The following C22orf39 variants were observed in gnomAD, a reference collection of about 807,000 sequenced individuals.
C22orf39 encodes the protein chromosome 22 open reading frame 39.
In C22orf39, 20 loss-of-function variants were observed where a neutral mutation model predicts 18.3. That is an observed-to-expected ratio of 1.09 (90% CI 0.77 to 1.59). The LOEUF (loss-of-function observed/expected upper bound fraction) is 1.59. C22orf39 is among the 40% of genes most tolerant of loss of function. The probability of loss-of-function intolerance (pLI) is 0.00; values close to 1 mark genes in which losing one functional copy is unlikely to be tolerated. For synonymous variants in C22orf39, 63 were observed against 59.6 expected (o/e 1.06, Z -0.26); for missense variants, 195 against 156.1 (o/e 1.25, Z -1.33).
intron 2 of C22orf39, among the ~76,000 whole-genome samples, chr22:19,447,144 C>G (rs752093224): frequency 5.9e-4 from 44 of 75,206 alleles, no homozygotes; most frequent in Admixed American, 2.1e-3. Context: ...GCCCTCTTCC[C>G]TCTCTAAACC....
chr22:19,447,629 C>T, intron 1 of C22orf39, 36 bp downstream of exon 1: 1 of 1,605,734 alleles, frequency 6.2e-7, no homozygotes, highest in Non-Finnish European at 8.5e-7. Flanking sequence ...CTCCGGAAGA[C>T]CCCGGTGGTT....
Position 19,443,076 on chromosome 22 carries a change from A to G in C22orf39, c.*1189T>C. On this transcript the variant is annotated 3_prime_UTR_variant, in exon 3 of 3. Transcript: ENST00000399562. ...CTCCTGCTCTTGGGATCCCGTGAGCACAACCCCCACCCCCACCCCCACTGT... is the reference window on the plus strand; with the variant it reads ...CTCCTGCTCTTGGGATCCCGTGAGCGCAACCCCCACCCCCACCCCCACTGT... The G allele has an allele frequency of 3.6e-6, 2 of 554,128 alleles. No individual in the cohort carries two copies. Among genetic ancestry groups the G allele is most frequent in the Non-Finnish European group, 4.6e-6 (2 of 437,426 alleles). 34.3% of individuals were successfully genotyped at this position (554,128 alleles called of 1,614,324 possible).
intron 1 of C22orf39, 24 bp downstream of exon 1, chr22:19,447,641 C>G (rs749736244): frequency 6.2e-7 from 1 of 1,608,250 alleles, no homozygotes; most frequent in South Asian, 1.1e-5. Context: ...CCGGTGGTTC[C>G]CGGCTCCGAC....
rs577017979 is a variant in C22orf39, at chr22:19,441,756, C to T, written c.*2509G>A. On this transcript the variant is annotated 3_prime_UTR_variant, in exon 3 of 3. Coordinates refer to ENST00000399562, the MANE Select transcript of C22orf39 (RefSeq NM_173793.5). ...AGTATTTGTTTTCTTCATACCACCACCATAAAATACCAAACTGCTTCAGAA... is the reference window on the plus strand; with the variant it reads ...AGTATTTGTTTTCTTCATACCACCATCATAAAATACCAAACTGCTTCAGAA... 98 of 1,504,300 alleles carry T rather than the reference C, an allele frequency of 6.5e-5. No homozygotes were observed. In the African/African-American group the frequency reaches 1.3e-3, roughly 20 times the overall value. 93.2% of individuals were successfully genotyped at this position (1,504,300 alleles called of 1,614,324 possible). A position where few individuals can be genotyped will look rare whatever the true frequency, so the allele number is the denominator to read the frequency against.
In C22orf39 at chr22:19,441,040, T is replaced by G. The variant is rs1250571896; in HGVS notation, c.*3225A>C. ...AGCATCAGGACGCAGAAATTGACAT[T>G]GGTACAGTCTACAGAACATACTCAG... On this transcript the variant is annotated 3_prime_UTR_variant, in exon 3 of 3. Coordinates refer to ENST00000399562, the MANE Select transcript of C22orf39 (RefSeq NM_173793.5). 1.3e-5 allele frequency: 2 copies of G among 152,420 alleles called. 1 individual carries two copies. The highest frequency in any genetic ancestry group is 2.9e-5 in the Non-Finnish European group (2 of 68,234). The allele number at this position is 152,420 out of a possible 1,614,324, so 9.4% of individuals were successfully genotyped here.
chr22:19,447,478 T>C lies in C22orf39; in HGVS notation c.92A>G (p.His31Arg), dbSNP rs1309160369. 7 of 1,511,708 alleles carry C rather than the reference T, an allele frequency of 4.6e-6. No homozygotes were observed. Among genetic ancestry groups the C allele is most frequent in the South Asian group, 1.2e-5 (1 of 80,554 alleles). The allele number at this position is 1,511,708 out of a possible 1,614,324, so 93.6% of individuals were successfully genotyped here. A position where few individuals can be genotyped will look rare whatever the true frequency, so the allele number is the denominator to read the frequency against. Residue 31 changes from histidine (H) to arginine (R), a missense_variant, in exon 2 of 3, where the codon CAC (histidine) becomes CGC (arginine). By Grantham distance (29) the His-to-Arg change is conservative. Transcript: ENST00000399562. Reference protein sequence around the residue: ...KLCRSARHFLHHYYVHGERPA... With the variant: ...KLCRSARHFLRHYYVHGERPA... ...CCGCTCGCCGTGGACGTAGTAGTGG[T>C]GTAGGAAGTGCCTGGCGCTGCGGCA...
At chr22:19,444,780 G>C (rs2089631875) in intron 2 of C22orf39, among the ~76,000 whole-genome samples, 1 of 152,148 alleles carries the variant, frequency 6.6e-6, no homozygotes, top group South Asian at 2.1e-4. Flanking sequence ...AGCAGCTGTG[G>C]GGAGCTGCAG....
chr22:19,444,705 G>A (rs545536150), intron 2 of C22orf39, among the ~76,000 whole-genome samples: 10 of 152,312 alleles, frequency 6.6e-5, no homozygotes, highest in African/African-American at 2.4e-4. Context: ...GTGAGTCTGG[G>A]GCATATTCAC....
chr22:19,446,547 G>A (rs1288431646), intron 2 of C22orf39, among the ~76,000 whole-genome samples: 6 of 152,200 alleles, frequency 3.9e-5, no homozygotes, highest in Non-Finnish European at 5.9e-5. Flanking sequence ...CAGGAGGGCA[G>A]AGACTCTTCT....
At chr22:19,444,800 T>A (rs1260734132) in intron 2 of C22orf39, among the ~76,000 whole-genome samples, 1 of 151,720 alleles carries the variant, frequency 6.6e-6, no homozygotes, top group East Asian at 1.9e-4. Context: ...GGGAGGAGTG[T>A]GTTAGGGAGA....
rs1421293080 is a variant in C22orf39, at chr22:19,441,678, G to GCCA, written c.*2584_*2586dup. ...CAAGTAGCTGAGATTACAGGTGTGAGCCACCACACTTAGCACCTGTCCAAA... is the reference window on the plus strand; with the variant it reads ...CAAGTAGCTGAGATTACAGGTGTGAGCCACCACCACACTTAGCACCTGTCCAAA... On this transcript the variant is annotated 3_prime_UTR_variant, in exon 3 of 3. Coordinates refer to ENST00000399562, the MANE Select transcript of C22orf39 (RefSeq NM_173793.5). The GCCA allele has an allele frequency of 3.9e-6, 6 of 1,540,086 alleles. No homozygotes were observed. The African/African-American group carries it at 8.2e-5, about 21-fold the overall frequency.
Position 19,447,434 on chromosome 22 carries a change from G to T in C22orf39, c.136C>A (p.Gln46Lys). 6.6e-7 allele frequency: 1 copy of T among 1,511,906 alleles called. No homozygotes were observed. Among genetic ancestry groups the T allele is most frequent in the Non-Finnish European group, 8.8e-7 (1 of 1,138,390 alleles). 93.7% of individuals were successfully genotyped at this position (1,511,906 alleles called of 1,614,324 possible). A position where few individuals can be genotyped will look rare whatever the true frequency, so the allele number is the denominator to read the frequency against. The change falls in exon 2 of 3, where the codon CAG becomes AAG. Residue 46 changes from glutamine to lysine, a missense_variant. Transcript: ENST00000399562. ...TCGCGGCAGCTGGCCAGGTCGCGCT[G>T]CCACTGTTCGCAGGCCGGCCGCTCG... ...HGERPACEQW[Q>K]RDLASCRDWE...
At position 19,447,372 on chromosome 22, in the gene C22orf39, G is replaced by T; in HGVS notation, c.192+6C>A. On this transcript the variant is annotated splice_donor_region_variant and intron_variant, in intron 2 of 2. Transcript: ENST00000399562. ...CGAAGCGCCGCCCCGCTCCCTCCCG[G>T]CGCACCTGGGCCTCGGCGTTCCGGC... 1 of 1,485,392 alleles carries T rather than the reference G, an allele frequency of 6.7e-7. No individual in the cohort carries two copies. The highest frequency in any genetic ancestry group is 8.9e-7 in the Non-Finnish European group (1 of 1,125,022). 92.0% of individuals were successfully genotyped at this position (1,485,392 alleles called of 1,614,324 possible). A position where few individuals can be genotyped will look rare whatever the true frequency, so the allele number is the denominator to read the frequency against.
At position 19,447,691 on chromosome 22, in the gene C22orf39, C is replaced by G. The variant is rs376718511; in HGVS notation, c.-3G>C. On this transcript the variant is annotated 5_prime_UTR_variant, in exon 1 of 3. Transcript: ENST00000399562. The stretch of plus-strand genomic sequence containing the variant: ...TGCCAGCCGCTGCCGTCCGCCATGT[C>G]TGGGCGACCGGCGCGCCAAGCCCGC... The G allele has an allele frequency of 8.2e-5, 132 of 1,609,912 alleles. 1 individual carries two copies. The highest frequency in any genetic ancestry group is 6.6e-4 in the Middle Eastern group (4 of 6,040).
At position 19,444,058 on chromosome 22, in the gene C22orf39, T is replaced by C; in HGVS notation, c.*207A>G. On this transcript the variant is annotated 3_prime_UTR_variant, in exon 3 of 3. Transcript: ENST00000399562. ...TGGAAGCTCTAAAGCGGTGCAATTG[T>C]CCTGCAGAACATCGCAGTGTCAGGG... 7.6e-7 allele frequency: 1 copy of C among 1,315,902 alleles called. No individual in the cohort carries two copies. The highest frequency in any genetic ancestry group is 9.6e-7 in the Non-Finnish European group (1 of 1,038,870). 81.5% of individuals were successfully genotyped at this position (1,315,902 alleles called of 1,614,324 possible).
Position 19,441,838 on chromosome 22 carries a change from G to C in C22orf39, c.*2427C>G. The C allele has an allele frequency of 1.8e-6, 2 of 1,130,658 alleles. No homozygotes were observed. Among genetic ancestry groups the C allele is most frequent in the Non-Finnish European group, 2.4e-6 (2 of 820,372 alleles). 70.0% of individuals were successfully genotyped at this position (1,130,658 alleles called of 1,614,324 possible). Reference sequence around the variant, plus strand: ...GACAGGATATTGCTCTGTCACCCAGGTTGAAGTGCAGTGGGGCACAATCAT... The same window carrying C: ...GACAGGATATTGCTCTGTCACCCAGCTTGAAGTGCAGTGGGGCACAATCAT... On this transcript the variant is annotated 3_prime_UTR_variant, in exon 3 of 3. Coordinates refer to ENST00000399562, the MANE Select transcript of C22orf39 (RefSeq NM_173793.5).
intron 2 of C22orf39, among the ~76,000 whole-genome samples, chr22:19,446,454 G>A (rs564780254): frequency 2.0e-5 from 3 of 152,126 alleles, no homozygotes; most frequent in South Asian, 2.1e-4. Flanking sequence ...CATGAGCCTC[G>A]CACCTTTCGG....
chr22:19,442,190 T>A lies in C22orf39; in HGVS notation c.*2075A>T, dbSNP rs985694965. The A allele has an allele frequency of 6.5e-6, 1 of 153,678 alleles. No homozygotes were observed. Among genetic ancestry groups the A allele is most frequent in the Non-Finnish European group, 1.4e-5 (1 of 68,976 alleles). The allele number at this position is 153,678 out of a possible 1,614,324, so 9.5% of individuals were successfully genotyped here. A position where few individuals can be genotyped will look rare whatever the true frequency, so the allele number is the denominator to read the frequency against. ...CAACTTGTCTGTTTCAAAACTGTGG[T>A]CTTATAAGCCTCAAACCCTGTCCAA... On this transcript the variant is annotated 3_prime_UTR_variant, in exon 3 of 3. Coordinates refer to ENST00000399562, the MANE Select transcript of C22orf39 (RefSeq NM_173793.5).
At chr22:19,446,539 G>A (rs913104030) in intron 2 of C22orf39, among the ~76,000 whole-genome samples, 4 of 152,198 alleles carry the variant, frequency 2.6e-5, no homozygotes, top group Non-Finnish European at 5.9e-5. Context: ...GTGGGTGCCA[G>A]GAGGGCAGAG....
Sources: gnomAD v4.1 joint callset for allele counts (sites outside exome capture counted in the v4.1 genomes callset) on GRCh38, gnomAD v4.1.1 for gene constraint, MANE v1.5 for transcripts, NCBI Gene and HGNC (gene_info 2026-07-23, HGNC 2026-07-21) for gene names.